Variants in PRORP observed in about 807,000 individuals in gnomAD.
PRORP encodes the protein protein only RNase P catalytic subunit, also known as mitochondrial ribonuclease P catalytic subunit.
PRORP carries 51 observed loss-of-function variants against 59.4 expected under a neutral mutation model. That is an observed-to-expected ratio of 0.86 (90% CI 0.69 to 1.08). The LOEUF (loss-of-function observed/expected upper bound fraction) is 1.08, where lower values mean the gene tolerates loss of function less well. Ranked by LOEUF, PRORP falls within the 50% of genes least tolerant of loss-of-function variation. The pLI, the probability that PRORP is intolerant of heterozygous loss-of-function variation, is 0.00. For missense variants in PRORP, 646 were observed against 690.3 expected (o/e 0.94, Z 0.72); for synonymous variants, 231 against 245.6 (o/e 0.94, Z 0.55).
intron 5 of PRORP, among the ~76,000 whole-genome samples, chr14:35,240,315 G>GTTTT (rs5807821): frequency 6.2e-5 from 8 of 129,294 alleles, no homozygotes; most frequent in South Asian, 4.8e-4. Context: ...TTTTTTTTTG[G>GTTTT]TTTAAAATTT....
At chr14:35,232,582 T>TTTATTA (rs1279322570) in intron 5 of PRORP, among the ~76,000 whole-genome samples, 1 of 152,194 alleles carries the variant, frequency 6.6e-6, no homozygotes, top group Non-Finnish European at 1.5e-5. Context: ...TCCACCCCTT[T>TTTATTA]TTATTACTTA....
At chr14:35,267,104 A>G (rs1012656592) in intron 6 of PRORP, among the ~76,000 whole-genome samples, 3 of 152,178 alleles carry the variant, frequency 2.0e-5, no homozygotes, top group Non-Finnish European at 4.4e-5. Flanking sequence ...AAATCAGGAT[A>G]AAGGAGAAGT....
intron 4 of PRORP, among the ~76,000 whole-genome samples, chr14:35,172,508 C>CTCTCTCCT (rs1457464072): frequency 6.7e-5 from 9 of 134,862 alleles, no homozygotes; most frequent in Admixed American, 1.6e-4. Context: ...CCCTCTCTCC[C>CTCTCTCCT]TCTCTCCCTC....
rs2051296795 is a variant in PRORP, at chr14:35,276,565, A to AG, written c.*3002dup. 6.6e-6 allele frequency: 1 copy of AG among 151,988 alleles called. No individual in the cohort carries two copies. Among genetic ancestry groups the AG allele is most frequent in the South Asian group, 2.1e-4 (1 of 4,818 alleles). 9.4% of individuals were successfully genotyped at this position (151,988 alleles called of 1,614,324 possible). Reference sequence around the variant, plus strand: ...CTGCCACGGTGACCTTGAGGAGTGCAGGGATTCCCTGAAGGAAGCAGCTGG... The same window carrying AG: ...CTGCCACGGTGACCTTGAGGAGTGCAGGGGATTCCCTGAAGGAAGCAGCTGG... On this transcript the variant is annotated 3_prime_UTR_variant, in exon 8 of 8. Transcript: ENST00000534898.
chr14:35,233,429 A>T (rs899341974), intron 5 of PRORP, among the ~76,000 whole-genome samples: 1 of 145,620 alleles, frequency 6.9e-6, no homozygotes, highest in African/African-American at 2.5e-5. Flanking sequence ...ACTGTGCTTA[A>T]TTAGGATGTC....
chr14:35,133,469 G>C (rs1470887954), intron 4 of PRORP, among the ~76,000 whole-genome samples: 1 of 152,078 alleles, frequency 6.6e-6, no homozygotes, highest in Admixed American at 6.6e-5. Context: ...TGAATTCTCT[G>C]TCTGAAAGGT....
rs201310760 is a variant in PRORP, at chr14:35,174,136, A to G, written c.1168-6534A>G. Reference sequence around the variant, plus strand: ...TTGAGGCAGTCACAAAGGAGAGCCCATATTCAAAGCATAGGGTATTAGACA... The same window carrying G: ...TTGAGGCAGTCACAAAGGAGAGCCCGTATTCAAAGCATAGGGTATTAGACA... On this transcript the variant is annotated intron_variant, in intron 4 of 7. Coordinates refer to ENST00000534898, the MANE Select transcript of PRORP (RefSeq NM_014672.4). Among the ~76,000 whole-genome samples, 230 of 97,194 alleles carry G rather than the reference A, an allele frequency of 2.4e-3. 6 individuals are homozygous for G. In the East Asian group the frequency reaches 0.081, roughly 34 times the overall value. 63.8% of individuals were successfully genotyped at this position (97,194 alleles called of 152,430 possible).
chr14:35,175,317 C>T (rs1041750995), intron 4 of PRORP, among the ~76,000 whole-genome samples: 40 of 152,266 alleles, frequency 2.6e-4, no homozygotes, highest in African/African-American at 9.6e-4. Context: ...GGAATCGCCA[C>T]ACTGTCTTCC....
At chr14:35,145,948 C>A (rs2047600364) in intron 4 of PRORP, among the ~76,000 whole-genome samples, 1 of 151,748 alleles carries the variant, frequency 6.6e-6, no homozygotes, top group Non-Finnish European at 1.5e-5. Flanking sequence ...CCTGCCTCAG[C>A]CTCCCAAGTA....
Position 35,275,973 on chromosome 14 carries a change from T to A in PRORP, c.*2407T>A, listed in dbSNP as rs1223080772. ...GCAGACATTTCAGCCATAACCCAGC[T>A]CTTCTAATTCCCAAATACTCTTTCT... On this transcript the variant is annotated 3_prime_UTR_variant, in exon 8 of 8. Transcript: ENST00000534898. 1 of 152,102 alleles carries A rather than the reference T, an allele frequency of 6.6e-6. No individual in the cohort carries two copies. Among genetic ancestry groups the A allele is most frequent in the African/African-American group, 2.4e-5 (1 of 41,364 alleles). The allele number at this position is 152,102 out of a possible 1,614,324, so 9.4% of individuals were successfully genotyped here. A position where few individuals can be genotyped will look rare whatever the true frequency, so the allele number is the denominator to read the frequency against.
rs1005090131 is a variant in PRORP, at chr14:35,255,050, G to T, written c.1276-11677G>T. Among the ~76,000 whole-genome samples, 3 of 152,174 alleles carry T rather than the reference G, an allele frequency of 2.0e-5. No homozygotes were observed. The South Asian group carries it at 6.2e-4, about 32-fold the overall frequency. On this transcript the variant is annotated intron_variant, in intron 5 of 7. Coordinates refer to ENST00000534898, the MANE Select transcript of PRORP (RefSeq NM_014672.4). Reference sequence around the variant, plus strand: ...AGTCTGATTGAAGTGCCCATCCTTTGTGTTCCATCTTAGTGCATACATTAT... The same window carrying T: ...AGTCTGATTGAAGTGCCCATCCTTTTTGTTCCATCTTAGTGCATACATTAT...
chr14:35,142,584 G>A (rs1469681078), intron 4 of PRORP, among the ~76,000 whole-genome samples: 1 of 143,470 alleles, frequency 7.0e-6, no homozygotes, highest in Non-Finnish European at 1.5e-5. Context: ...GCTCACACCT[G>A]TAATCCTAGC....
upstream of PRORP, chr14:35,122,343 C>A (rs560097156): frequency 4.8e-6 from 1 of 208,630 alleles, no homozygotes; most frequent in South Asian, 8.2e-5. Flanking sequence ...CCTTCTTTCA[C>A]AATTTCTTTT....
chr14:35,238,716 C>A (rs549867997), intron 5 of PRORP, among the ~76,000 whole-genome samples: 1 of 152,186 alleles, frequency 6.6e-6, no homozygotes, highest in East Asian at 1.9e-4. Context: ...GTGCACATAG[C>A]CATTCTAAGT....
intron 4 of PRORP, among the ~76,000 whole-genome samples, chr14:35,161,688 A>G (rs778758328): frequency 6.6e-5 from 10 of 152,150 alleles, no homozygotes; most frequent in Non-Finnish European, 1.2e-4. Flanking sequence ...ATAAATCTGT[A>G]AGAATATGAT....
chr14:35,133,790 G>A (rs2047308256), intron 4 of PRORP, among the ~76,000 whole-genome samples: 1 of 152,172 alleles, frequency 6.6e-6, no homozygotes, highest in Non-Finnish European at 1.5e-5. Flanking sequence ...GGATTACTAG[G>A]CAGAAGCTCT....
intron 5 of PRORP, among the ~76,000 whole-genome samples, chr14:35,251,263 C>A (rs962458657): frequency 2.6e-5 from 4 of 152,114 alleles, no homozygotes; most frequent in African/African-American, 9.7e-5. Context: ...CTTTTATCCA[C>A]TTGTTGATTG....
intron 4 of PRORP, among the ~76,000 whole-genome samples, chr14:35,161,927 A>G (rs1314457425): frequency 1.3e-5 from 2 of 152,278 alleles, no homozygotes; most frequent in East Asian, 1.9e-4. Context: ...TCTTTAGCTC[A>G]TGATTCTAGA....
intron 7 of PRORP, among the ~76,000 whole-genome samples, chr14:35,271,075 A>C (rs1217987745): frequency 6.6e-6 from 1 of 151,420 alleles, no homozygotes; most frequent in Non-Finnish European, 1.5e-5. Context: ...CGACAGAGCA[A>C]GACTCCGTCT....
Sources: gnomAD v4.1 joint callset for allele counts (sites outside exome capture counted in the v4.1 genomes callset) on GRCh38, gnomAD v4.1.1 for gene constraint, MANE v1.5 for transcripts, NCBI Gene and HGNC (gene_info 2026-07-23, HGNC 2026-07-21) for gene names.